The following MMP13 variants were observed in gnomAD, a reference collection of about 807,000 sequenced individuals.
MMP13 encodes collagenase 3.
In MMP13, 45 loss-of-function variants were observed where a neutral mutation model predicts 52.1. The ratio of observed to expected loss-of-function variants is 0.86; its 90% CI spans 0.68 to 1.11. MMP13 has a LOEUF of 1.11. MMP13 is among the 50% of genes least tolerant of loss of function. MMP13 has a pLI of 0.00. For synonymous variants in MMP13, 200 were observed against 204.4 expected (o/e 0.98, Z 0.18); for missense variants, 576 against 583.8 (o/e 0.99, Z 0.14).
At chr11:102,947,581 A>AAG (rs1860531726) in intron 8 of MMP13, among the ~76,000 whole-genome samples, 1 of 151,974 alleles carries the variant, frequency 6.6e-6, no homozygotes, top group Non-Finnish European at 1.5e-5. Context: ...TCAAAAAAAA[A>AAG]GAAAGAAAGA....
chr11:102,947,974 T>G lies in MMP13; in HGVS notation c.1128A>C (p.Pro376=). The change falls in exon 8 of 10, where the codon CCA becomes CCC. Residue 376 remains proline (P), a synonymous_variant. Coordinates refer to ENST00000260302, the MANE Select transcript of MMP13 (RefSeq NM_002427.4). ...YPKKISELGL[P]KEVKKISAAV... Reference sequence around the variant, plus strand: ...CTGCACTTATCTTCTTAACTTCTTTTGGAAGACCCAGTTCAGATATTTTTT... The same window carrying G: ...CTGCACTTATCTTCTTAACTTCTTTGGGAAGACCCAGTTCAGATATTTTTT... 6.2e-7 allele frequency: 1 copy of G among 1,613,944 alleles called. No homozygotes were observed. The highest frequency in any genetic ancestry group is 8.5e-7 in the Non-Finnish European group (1 of 1,179,912).
intron 6 of MMP13, 68 bp downstream of exon 6, chr11:102,950,042 G>T: frequency 2.3e-6 from 3 of 1,327,010 alleles, no homozygotes; most frequent in African/African-American, 1.4e-5. Flanking sequence ...GGATGTTTTG[G>T]CAATATGCAG....
At chr11:102,954,088 A>G in intron 4 of MMP13, 68 bp downstream of exon 4, 1 of 1,573,394 alleles carries the variant, frequency 6.4e-7, no homozygotes, top group Non-Finnish European at 8.7e-7. Context: ...ATGTGTTTTA[A>G]CTTCATACTA....
intron 5 of MMP13, among the ~76,000 whole-genome samples, chr11:102,951,155 A>T (rs1214207910): frequency 1.3e-5 from 2 of 152,136 alleles, no homozygotes; most frequent in Non-Finnish European, 2.9e-5. Flanking sequence ...TGGGGGGGGA[A>T]GTGAAAAGGA....
At chr11:102,947,668 TG>T (rs2134515359) in intron 8 of MMP13, among the ~76,000 whole-genome samples, 1 of 5,886 alleles carries the variant, frequency 1.7e-4, no homozygotes, top group South Asian at 0.019. Flanking sequence ...GTTTGAGTAT[TG>T]TGTGTGTGTG....
At chr11:102,944,779 T>A (rs1274979722) in intron 9 of MMP13, among the ~76,000 whole-genome samples, 1 of 148,270 alleles carries the variant, frequency 6.7e-6, no homozygotes, top group Non-Finnish European at 1.5e-5. Context: ...AGCTTTTTTT[T>A]TTTTTTTTTT....
At chr11:102,948,194 A>C (rs1018006961) in intron 7 of MMP13, 144 bp from the exon 8 acceptor site, 25 of 705,984 alleles carry the variant, frequency 3.5e-5, no homozygotes, top group Non-Finnish European at 5.7e-5. Flanking sequence ...ATGTTTATGA[A>C]ACATAAAAAT....
intron 9 of MMP13, 126 bp from the exon 10 acceptor site, chr11:102,944,492 C>G (rs1359912491): frequency 1.6e-6 from 1 of 637,034 alleles, no homozygotes; most frequent in Non-Finnish European, 2.7e-6. Flanking sequence ...TTTTTAAACT[C>G]TATTAGTTCT....
chr11:102,955,356 G>C lies in MMP13; in HGVS notation c.258C>G (p.Asn86Lys), dbSNP rs761873360. ...TTGGCTTTTTCATGACATCTAAGGT[G>C]TTATCGTCAAGTTTGCCAGTCACCT... ...GLEVTGKLDD[N>K]TLDVMKKPRC... The change falls in exon 2 of 10, where the codon AAC becomes AAG. Residue 86 changes from asparagine to lysine, a missense_variant. Coordinates refer to ENST00000260302, the MANE Select transcript of MMP13 (RefSeq NM_002427.4). The surrounding 1 kb of genome is among the most constrained non-coding windows in gnomAD (Gnocchi z 4.9). The C allele has an allele frequency of 2.2e-5, 35 of 1,613,960 alleles. No homozygotes were observed. In the East Asian group the frequency reaches 7.8e-4, roughly 36 times the overall value.
chr11:102,944,474 ACTTTTT>A (rs1316120224), intron 9 of MMP13, 108 bp from the exon 10 acceptor site: 9 of 800,842 alleles, frequency 1.1e-5, no homozygotes, highest in Admixed American at 2.2e-5. Flanking sequence ...GGAATTTCAA[ACTTTTT>A]CTTTTTAAAC....
rs1565256598 is a variant in MMP13, at chr11:102,955,542, T to C, written c.120+44A>G. 1 of 1,613,986 alleles carries C rather than the reference T, an allele frequency of 6.2e-7. No individual in the cohort carries two copies. Reference sequence around the variant, plus strand: ...TGCGTTTAAAAGAGAAGGACATTTCTGAGATGTACCAACCGCATCATCAGG... The same window carrying C: ...TGCGTTTAAAAGAGAAGGACATTTCCGAGATGTACCAACCGCATCATCAGG... On this transcript the variant is annotated intron_variant, in intron 1 of 9. Transcript: ENST00000260302. The surrounding 1 kb of genome is among the most constrained non-coding windows in gnomAD (Gnocchi z 4.9).
intron 8 of MMP13, among the ~76,000 whole-genome samples, chr11:102,947,215 C>T (rs970607088): frequency 2.0e-5 from 3 of 152,014 alleles, no homozygotes; most frequent in East Asian, 1.9e-4. Flanking sequence ...TCTTTGGCCA[C>T]GGAAGATGGA....
At chr11:102,954,765 A>G (rs1565256241) in intron 2 of MMP13, among the ~76,000 whole-genome samples, 159 bp from the exon 3 acceptor site, 1 of 152,220 alleles carries the variant, frequency 6.6e-6, no homozygotes, top group Admixed American at 6.5e-5. Context: ...TTATGATGCC[A>G]TACAAGAATA....
chr11:102,953,467 C>G (rs1177822691), intron 4 of MMP13, among the ~76,000 whole-genome samples: 1 of 152,156 alleles, frequency 6.6e-6, no homozygotes, highest in Non-Finnish European at 1.5e-5. Flanking sequence ...ATCTACTTGT[C>G]ATAACTAAGT....
rs1439598949 is a variant in MMP13 at position 102,952,146 on chromosome 11, T to C, written c.665A>G (p.His222Arg). The change falls in exon 5 of 10, where the codon CAT (histidine) becomes CGT (arginine). Residue 222 changes from histidine to arginine, a missense_variant. Transcript: ENST00000260302. This position sits in a 1 kb window ranked among gnomAD's most constrained non-coding sequence, Gnocchi z 4.3. The stretch of plus-strand genomic sequence containing the variant: ...AAGACCTAAGGAGTGGCCGAACTCA[T>C]GCGCAGCAACAAGAAACAAGTTGTA... ...KGYNLFLVAA[H>R]EFGHSLGLDH... is the part of the protein sequence containing the mutation. The C allele has an allele frequency of 1.9e-6, 3 of 1,613,014 alleles. No individual in the cohort carries two copies. The highest frequency in any genetic ancestry group is 2.5e-6 in the Non-Finnish European group (3 of 1,179,334).
At position 102,944,377 on chromosome 11, in the gene MMP13, A is replaced by G. The variant is rs782311059; in HGVS notation, c.1316-11T>C. The stretch of plus-strand genomic sequence containing the variant: ...AAAAATAGATATAACCTATAAGAAA[A>G]AGCATAAAGACAATTTCAGAGTTTG... On this transcript the variant is annotated splice_polypyrimidine_tract_variant and intron_variant, in intron 9 of 9. Transcript: ENST00000260302. 2.6e-6 allele frequency: 4 copies of G among 1,550,840 alleles called. No individual in the cohort carries two copies. In the Admixed American group the frequency reaches 5.0e-5, roughly 19 times the overall value.
In MMP13 at chr11:102,949,251, G is replaced by A. The variant is rs968653049; in HGVS notation, c.918-93C>T. The A allele has an allele frequency of 1.9e-5, 29 of 1,491,140 alleles. No individual in the cohort carries two copies. Among genetic ancestry groups the A allele is most frequent in the Middle Eastern group, 3.5e-4 (2 of 5,694 alleles). 92.4% of individuals were successfully genotyped at this position (1,491,140 alleles called of 1,614,324 possible). A position where few individuals can be genotyped will look rare whatever the true frequency, so the allele number is the denominator to read the frequency against. ...CCTCTCTCCACATCAACACAGACAA[G>A]TTAGATACAACCAATACCTCCCACC... is the stretch of plus-strand genomic sequence containing the variant. On this transcript the variant is annotated intron_variant, in intron 6 of 9. Transcript: ENST00000260302. The surrounding 1 kb of genome is among the most constrained non-coding windows in gnomAD (Gnocchi z 4.2).
rs781829974 is a variant in MMP13 at position 102,952,018 on chromosome 11, G to T, written c.793C>A (p.Leu265Ile). 2.5e-6 allele frequency: 4 copies of T among 1,613,164 alleles called. No individual in the cohort carries two copies. The highest frequency in any genetic ancestry group is 4.5e-5 in the East Asian group (2 of 44,868). ...PDDDVQGIQS[L>I]YGPGDEDPNP... ...ATTTCTATAACCGAGTTACCATAGA[G>T]AGACTGGATCCCTTGTACATCGTCA... The change falls in exon 5 of 10, where the codon CTC (leucine) becomes ATC (isoleucine). Residue 265 changes from leucine to isoleucine, a missense_variant. Transcript: ENST00000260302. This position sits in a 1 kb window ranked among gnomAD's most constrained non-coding sequence, Gnocchi z 4.3.
chr11:102,955,206 C>T lies in MMP13; in HGVS notation c.362+46G>A, dbSNP rs773788093. On this transcript the variant is annotated intron_variant, in intron 2 of 9. Transcript: ENST00000260302. This position sits in a 1 kb window ranked among gnomAD's most constrained non-coding sequence, Gnocchi z 4.9. ...ACTTAATATTAGACATTTAATACTA[C>T]AAGAAAAGGCTAACAAATATGAAAG... 2.5e-6 allele frequency: 4 copies of T among 1,602,358 alleles called. No homozygotes were observed. The Admixed American group carries it at 6.7e-5, about 27-fold the overall frequency.
Sources: allele counts gnomAD v4.1 joint callset (sites outside exome capture counted in the v4.1 genomes callset), GRCh38; gene constraint gnomAD v4.1.1; non-coding constraint Gnocchi (gnomAD v3.1); transcripts MANE v1.5; gene names NCBI Gene and HGNC (gene_info 2026-07-23, HGNC 2026-07-21).